The following METTL24 variants were observed in gnomAD, a reference collection of about 807,000 sequenced individuals.
METTL24 encodes probable methyltransferase-like protein 24.
METTL24 carries 29 observed loss-of-function variants against 32.7 expected under a neutral mutation model. The observed-to-expected ratio is 0.89, with a 90% CI of 0.66 to 1.21. The LOEUF (loss-of-function observed/expected upper bound fraction) is 1.21. Ranked by LOEUF, METTL24 falls within the 50% of genes most tolerant of loss-of-function variation. The pLI is 0.00. For missense variants in METTL24, 439 were observed against 468.1 expected (o/e 0.94, Z 0.57); for synonymous variants, 163 against 179.5 (o/e 0.91, Z 0.73).
chr6:110,285,541 G>T (rs1293331095), intron 4 of METTL24, among the ~76,000 whole-genome samples: 1 of 152,138 alleles, frequency 6.6e-6, no homozygotes, highest in East Asian at 1.9e-4. Flanking sequence ...GGTGTGACCT[G>T]GAAGGATTTG....
chr6:110,320,432 C>T (rs1771910968), intron 2 of METTL24, among the ~76,000 whole-genome samples: 1 of 152,146 alleles, frequency 6.6e-6, no homozygotes, highest in Admixed American at 6.5e-5. Flanking sequence ...GTAAAAGATT[C>T]TGATTAAGAA....
chr6:110,263,168 G>A (rs1463255019), intron 4 of METTL24, among the ~76,000 whole-genome samples: 2 of 152,136 alleles, frequency 1.3e-5, no homozygotes, highest in Admixed American at 6.5e-5. Context: ...TAGGAAAAGG[G>A]GAAGTTAAAT....
intron 4 of METTL24, among the ~76,000 whole-genome samples, chr6:110,275,515 C>T (rs1014882085): frequency 6.6e-6 from 1 of 152,138 alleles, no homozygotes; most frequent in African/African-American, 2.4e-5. Context: ...TCCTTAACTC[C>T]CCAAGCCAAA....
At chr6:110,265,043 G>A (rs1269700227) in intron 4 of METTL24, among the ~76,000 whole-genome samples, 3 of 151,580 alleles carry the variant, frequency 2.0e-5, no homozygotes, top group African/African-American at 4.9e-5. Context: ...AATGGGTGCA[G>A]CACACCAATA....
intron 1 of METTL24, among the ~76,000 whole-genome samples, chr6:110,333,667 C>G (rs563667883): frequency 2.0e-5 from 3 of 152,108 alleles, no homozygotes; most frequent in Non-Finnish European, 4.4e-5. Context: ...GTCTCAAGCT[C>G]GTGACCTCAA....
At chr6:110,293,460 A>G (rs1242698475) in intron 4 of METTL24, among the ~76,000 whole-genome samples, 1 of 151,872 alleles carries the variant, frequency 6.6e-6, no homozygotes, top group African/African-American at 2.4e-5. Flanking sequence ...TTATTGTTTG[A>G]TAGTTTTTCA....
At chr6:110,266,742 T>A (rs762550851) in intron 4 of METTL24, among the ~76,000 whole-genome samples, 1 of 152,202 alleles carries the variant, frequency 6.6e-6, no homozygotes, top group Non-Finnish European at 1.5e-5. Flanking sequence ...TCTATTCATT[T>A]GAAATTCTGG....
chr6:110,340,322 G>C (rs1772329892), intron 1 of METTL24, among the ~76,000 whole-genome samples: 1 of 152,164 alleles, frequency 6.6e-6, no homozygotes, highest in African/African-American at 2.4e-5. Flanking sequence ...CCAGCCAGCA[G>C]TGAAGTGATT....
intron 4 of METTL24, among the ~76,000 whole-genome samples, chr6:110,289,832 T>C (rs997580008): frequency 8.5e-5 from 13 of 152,234 alleles, no homozygotes; most frequent in Non-Finnish European, 1.6e-4. Flanking sequence ...TTCTTGCATA[T>C]AATTTCAAAA....
intron 1 of METTL24, among the ~76,000 whole-genome samples, chr6:110,336,720 C>A (rs1772239712): frequency 7.4e-6 from 1 of 134,608 alleles, no homozygotes; most frequent in African/African-American, 2.9e-5. Flanking sequence ...GCCTGGGCGA[C>A]ACAGCAAGAC....
At chr6:110,314,598 G>T (rs1019556276) in intron 3 of METTL24, among the ~76,000 whole-genome samples, 3 of 151,828 alleles carry the variant, frequency 2.0e-5, no homozygotes, top group African/African-American at 7.3e-5. Context: ...ATTTATCATT[G>T]GTATAAAACA....
Position 110,315,750 on chromosome 6 carries a change from A to C in METTL24, c.418-269T>G, listed in dbSNP as rs1330854572. Among the ~76,000 whole-genome samples the C allele has an allele frequency of 3.9e-5, 6 of 152,170 alleles. No individual in the cohort carries two copies. The East Asian group carries it at 1.2e-3, about 29-fold the overall frequency. ...CTGTAGCCATGTGCACAGGGTGTGC[A>C]GGAGAGAACAAATCAGGAGCAAAAG... On this transcript the variant is annotated intron_variant, in intron 2 of 4. Transcript: ENST00000338882.
intron 1 of METTL24, among the ~76,000 whole-genome samples, chr6:110,340,505 A>G (rs1162327255): frequency 6.6e-6 from 1 of 152,170 alleles, no homozygotes; most frequent in African/African-American, 2.4e-5. Context: ...GCCCTGGGCT[A>G]GGGGAGACCT....
At chr6:110,338,205 C>T (rs1337755796) in intron 1 of METTL24, among the ~76,000 whole-genome samples, 5 of 152,078 alleles carry the variant, frequency 3.3e-5, no homozygotes, top group Non-Finnish European at 7.4e-5. Context: ...TATTATAAAC[C>T]CTACATGTTG....
intron 3 of METTL24, among the ~76,000 whole-genome samples, chr6:110,305,859 A>G (rs770275657): frequency 2.8e-4 from 43 of 152,224 alleles, no homozygotes; most frequent in Non-Finnish European, 5.7e-4. Flanking sequence ...TCATTCTACT[A>G]TAAAGGCACA....
intron 1 of METTL24, among the ~76,000 whole-genome samples, chr6:110,350,762 CAAAATAAAAT>C (rs57785468): frequency 0.22 from 25,864 of 115,636 alleles, 2,939 homozygotes; most frequent in South Asian, 0.27. Flanking sequence ...CCTGTCTCAA[CAAAATAAAAT>C]AAAATAAAAT....
chr6:110,320,460 T>C (rs192815960), intron 2 of METTL24, among the ~76,000 whole-genome samples: 16 of 152,296 alleles, frequency 1.1e-4, no homozygotes, highest in African/African-American at 3.8e-4. Flanking sequence ...GTGTCATCTC[T>C]GGTGACTCCC....
At chr6:110,344,531 T>A (rs1772430139) in intron 1 of METTL24, among the ~76,000 whole-genome samples, 1 of 152,186 alleles carries the variant, frequency 6.6e-6, no homozygotes, top group Non-Finnish European at 1.5e-5. Context: ...TCTACAACTT[T>A]TATTGATGAA....
intron 4 of METTL24, 21 bp downstream of exon 4, chr6:110,298,901 A>G: frequency 6.2e-7 from 1 of 1,606,228 alleles, no homozygotes; most frequent in South Asian, 1.1e-5. Flanking sequence ...TTCAAGTATA[A>G]AATCAAATGA....
Sources: gnomAD v4.1 joint callset for allele counts (sites outside exome capture counted in the v4.1 genomes callset) on GRCh38, gnomAD v4.1.1 for gene constraint, MANE v1.5 for transcripts, NCBI Gene and HGNC (gene_info 2026-07-23, HGNC 2026-07-21) for gene names.